The following GTF2A1L variants were observed in gnomAD, a reference collection of about 807,000 sequenced individuals.
GTF2A1L encodes general transcription factor IIA subunit 1 like, also known as TFIIA-alpha and beta-like factor.
Under a neutral mutation model 49.7 loss-of-function variants are expected in GTF2A1L, and 48 were observed. The ratio of observed to expected loss-of-function variants is 0.97; its 90% CI spans 0.77 to 1.23. GTF2A1L has a LOEUF of 1.23. GTF2A1L is among the 50% of genes most tolerant of loss of function. The pLI, the probability that GTF2A1L is intolerant of heterozygous loss-of-function variation, is 0.00. For missense variants in GTF2A1L, 736 were observed against 564.8 expected (o/e 1.30, Z -3.07); for synonymous variants, 246 against 193.5 (o/e 1.27, Z -2.25).
rs530401227 is a variant in GTF2A1L, at chr2:48,634,225, C to A, written c.248-8177C>A. Among the ~76,000 whole-genome samples the A allele has an allele frequency of 7.2e-5, 11 of 152,246 alleles. No individual in the cohort carries two copies. The South Asian group carries it at 2.3e-3, about 32-fold the overall frequency. On this transcript the variant is annotated intron_variant, in intron 3 of 8. Transcript: ENST00000403751. ...TCTCCGGGTTCAAGAGGTTCTCCTG[C>A]CTCAGCTTCCTGAGTAGCTGGGATG...
intron 5 of GTF2A1L, 139 bp from the exon 6 acceptor site, chr2:48,646,314 C>A: frequency 3.1e-6 from 2 of 647,924 alleles, no homozygotes; most frequent in South Asian, 3.9e-5. Context: ...AAAGAAAAAC[C>A]CCTAGAGATA....
chr2:48,663,354 T>G (rs1678628512), intron 6 of GTF2A1L, among the ~76,000 whole-genome samples: 2 of 152,124 alleles, frequency 1.3e-5, no homozygotes, highest in South Asian at 4.1e-4. Flanking sequence ...GAGGATCGCT[T>G]GAGCCCAGGA....
intron 6 of GTF2A1L, 53 bp downstream of exon 6, chr2:48,647,095 A>C (rs1572732659): frequency 1.4e-5 from 20 of 1,387,824 alleles, no homozygotes; most frequent in Non-Finnish European, 1.9e-5. Context: ...GTGGCCAGTA[A>C]CTGGATATCC....
At chr2:48,660,009 A>G (rs1678394789) in intron 6 of GTF2A1L, among the ~76,000 whole-genome samples, 1 of 152,126 alleles carries the variant, frequency 6.6e-6, no homozygotes, top group African/African-American at 2.4e-5. Flanking sequence ...CACTTTTAGT[A>G]CTGTGTTGAT....
chr2:48,642,770 C>T (rs1174225014), intron 4 of GTF2A1L, among the ~76,000 whole-genome samples: 1 of 151,910 alleles, frequency 6.6e-6, no homozygotes, highest in African/African-American at 2.4e-5. Flanking sequence ...GCAGGAGAAT[C>T]TCTTGAACCT....
rs186796658 is a variant in GTF2A1L, at chr2:48,630,195, G to C, written c.247+8905G>C. On this transcript the variant is annotated intron_variant, in intron 3 of 8. Coordinates refer to ENST00000403751, the MANE Select transcript of GTF2A1L (RefSeq NM_006872.5). ...TGATAGGAATAGCATTGAATCTGTA[G>C]ATTTCTTTAGGATGTATGGCCATTT... Among the ~76,000 whole-genome samples, 4 of 143,448 alleles carry C rather than the reference G, an allele frequency of 2.8e-5. 1 individual carries two copies. Among genetic ancestry groups the C allele is most frequent in the African/African-American group, 9.9e-5 (4 of 40,488 alleles). The allele number at this position is 143,448 out of a possible 152,430, so 94.1% of individuals were successfully genotyped here.
At chr2:48,654,194 T>C (rs2104239440) in intron 6 of GTF2A1L, among the ~76,000 whole-genome samples, 1 of 152,316 alleles carries the variant, frequency 6.6e-6, no homozygotes, top group Middle Eastern at 3.4e-3. Flanking sequence ...TTAATTTTGA[T>C]GAAGTCCAGT....
chr2:48,625,604 G>A lies in GTF2A1L; in HGVS notation c.247+4314G>A, dbSNP rs114830857. Among the ~76,000 whole-genome samples the A allele has an allele frequency of 8.3e-3, 1,172 of 141,940 alleles. 81 individuals carry two copies. The highest frequency in any genetic ancestry group is 0.028 in the African/African-American group (1,119 of 40,092). 93.1% of individuals were successfully genotyped at this position (141,940 alleles called of 152,430 possible). ...TTTTATTTTATTTTATTTTTTTGAG[G>A]GAGGGTCTTGCTCTGTCATCCATGC... On this transcript the variant is annotated intron_variant, in intron 3 of 8. Transcript: ENST00000403751.
At chr2:48,633,783 T>C (rs1676721828) in intron 3 of GTF2A1L, among the ~76,000 whole-genome samples, 1 of 152,242 alleles carries the variant, frequency 6.6e-6, no homozygotes, top group South Asian at 2.1e-4. Flanking sequence ...GTTTTGTAGG[T>C]CTAGAAGTAC....
At chr2:48,625,052 T>C (rs1467245731) in intron 3 of GTF2A1L, among the ~76,000 whole-genome samples, 1 of 142,826 alleles carries the variant, frequency 7.0e-6, no homozygotes, top group Non-Finnish European at 1.6e-5. Flanking sequence ...GAGGTAGTAG[T>C]TTAATTTCCT....
chr2:48,617,956 C>G (rs1353073418), intron 1 of GTF2A1L, 61 bp downstream of exon 1: 4 of 1,489,402 alleles, frequency 2.7e-6, no homozygotes, highest in Middle Eastern at 1.7e-4. Context: ...TTCACGGCAG[C>G]CGAACCCTGC....
intron 6 of GTF2A1L, among the ~76,000 whole-genome samples, chr2:48,664,263 A>AT (rs1291957126): frequency 3.3e-5 from 5 of 150,420 alleles, no homozygotes; most frequent in Admixed American, 2.7e-4. Flanking sequence ...TATGGTTTTA[A>AT]TTTTTTTTTG....
At chr2:48,651,476 G>A (rs1448074546) in intron 6 of GTF2A1L, among the ~76,000 whole-genome samples, 2 of 137,474 alleles carry the variant, frequency 1.5e-5, no homozygotes, top group Non-Finnish European at 3.1e-5. Context: ...TGACATCTTT[G>A]TAATAATGAA....
chr2:48,653,619 G>T (rs1335234508), intron 6 of GTF2A1L, among the ~76,000 whole-genome samples: 1 of 152,100 alleles, frequency 6.6e-6, no homozygotes, highest in Non-Finnish European at 1.5e-5. Flanking sequence ...TGACATTTGG[G>T]TTGTTTCCAG....
intron 6 of GTF2A1L, among the ~76,000 whole-genome samples, chr2:48,666,609 GTGTT>G (rs1156948927): frequency 6.6e-6 from 1 of 150,518 alleles, no homozygotes; most frequent in African/African-American, 2.5e-5. Flanking sequence ...GTGTGTGTGT[GTGTT>G]TGTGTGTGTG....
intron 8 of GTF2A1L, among the ~76,000 whole-genome samples, chr2:48,674,410 G>C (rs896887321): frequency 6.6e-6 from 1 of 151,888 alleles, no homozygotes; most frequent in African/African-American, 2.4e-5. Flanking sequence ...ATATATTTAG[G>C]GGGAAACAAA....
rs191613597 is a variant in GTF2A1L at position 48,645,326 on chromosome 2, A to T, written c.388+209A>T. Among the ~76,000 whole-genome samples the T allele has an allele frequency of 3.0e-4, 45 of 152,294 alleles. No homozygotes were observed. The East Asian group carries it at 8.3e-3, about 28-fold the overall frequency. The stretch of plus-strand genomic sequence containing the variant: ...CTGTACTAGGCCTGTCCTATATTTG[A>T]TTCCCAGTTCTCTTTCCCAACATTG... On this transcript the variant is annotated intron_variant, in intron 5 of 8. Coordinates refer to ENST00000403751, the MANE Select transcript of GTF2A1L (RefSeq NM_006872.5).
chr2:48,627,194 A>G (rs1201199904), intron 3 of GTF2A1L, among the ~76,000 whole-genome samples: 1 of 144,216 alleles, frequency 6.9e-6, no homozygotes, highest in East Asian at 1.9e-4. Context: ...ACAGATACAT[A>G]GTTGGAAAAA....
At chr2:48,658,666 T>G (rs1678313108) in intron 6 of GTF2A1L, among the ~76,000 whole-genome samples, 1 of 152,128 alleles carries the variant, frequency 6.6e-6, no homozygotes, top group African/African-American at 2.4e-5. Context: ...TGATTCAATT[T>G]CATAATTAGG....
Sources: allele counts gnomAD v4.1 joint callset (sites outside exome capture counted in the v4.1 genomes callset), GRCh38; gene constraint gnomAD v4.1.1; transcripts MANE v1.5; gene names NCBI Gene and HGNC (gene_info 2026-07-23, HGNC 2026-07-21).